The following CCNF variants were observed in gnomAD, a reference collection of about 807,000 sequenced individuals.
CCNF encodes cyclin-F.
A neutral mutation model predicts 85.4 loss-of-function variants in CCNF; 30 were observed. The ratio of observed to expected loss-of-function variants is 0.35; its 90% CI spans 0.26 to 0.48. The LOEUF (loss-of-function observed/expected upper bound fraction) is 0.48. Among genes scored for constraint, CCNF ranks in the 20% least tolerant of loss-of-function variants. The probability of loss-of-function intolerance (pLI) is 0.99; values close to 1 mark genes in which losing one functional copy is unlikely to be tolerated. For synonymous variants in CCNF, 439 were observed against 425.1 expected (o/e 1.03, Z -0.40); for missense variants, 919 against 1,010.4 (o/e 0.91, Z 1.23).
chr16:2,444,841 C>T (rs993231195), intron 9 of CCNF, among the ~76,000 whole-genome samples: 2 of 151,932 alleles, frequency 1.3e-5, no homozygotes, highest in Admixed American at 1.3e-4. Flanking sequence ...AAGCGAACCT[C>T]CTGCCCCAGC....
At chr16:2,432,793 C>G (rs2065269285) in intron 2 of CCNF, among the ~76,000 whole-genome samples, 168 bp from the exon 3 acceptor site, 1 of 152,172 alleles carries the variant, frequency 6.6e-6, no homozygotes, top group African/African-American at 2.4e-5. Flanking sequence ...GCTCTTTTAT[C>G]TGCTCAAAGT....
rs200891175 is a variant in CCNF, at chr16:2,449,452, G to A, written c.1389G>A (p.Thr463=). ...AAAALLLARL[T]HGQTQPWTTQ... is the part of the protein sequence containing the mutation. ...CAGCCCTGCTCCTGGCCAGACTGACGCACGGGCAGAGTAAGGAGTGGCCCT... is the reference window on the plus strand; with the variant it reads ...CAGCCCTGCTCCTGGCCAGACTGACACACGGGCAGAGTAAGGAGTGGCCCT... The change falls in exon 12 of 17, where the codon ACG becomes ACA. Residue 463 remains threonine, a synonymous_variant. Transcript: ENST00000397066. 3.3e-5 allele frequency: 53 copies of A among 1,604,494 alleles called. No homozygotes were observed. In the Admixed American group the frequency reaches 4.5e-4, roughly 14 times the overall value.
chr16:2,431,062 T>TC (rs764562957), intron 1 of CCNF, 68 bp from the exon 2 acceptor site: 6 of 1,488,416 alleles, frequency 4.0e-6, no homozygotes, highest in Non-Finnish European at 5.6e-6. Context: ...CCTTTTTTTT[T>TC]CCCTTCAAGG....
Position 2,431,261 on chromosome 16 carries a change from G to A in CCNF, c.148G>A (p.Glu50Lys). 6.2e-7 allele frequency: 1 copy of A among 1,614,122 alleles called. No homozygotes were observed. The highest frequency in any genetic ancestry group is 8.5e-7 in the Non-Finnish European group (1 of 1,180,034). The change falls in exon 2 of 17, where the codon GAG becomes AAG. Residue 50 changes from glutamate to lysine, a missense_variant. Around this residue, in one of 3 missense-constraint regions of CCNF, gnomAD observed 410 missense variants for 478.6 expected, o/e 0.86. Transcript: ENST00000397066. ...LFHILKWLSV[E>K]DILAVRAVHS... ...TCACATCCTGAAATGGCTTTCTGTA[G>A]AGGACATCCTGGCCGTCCGAGCTGT...
intron 10 of CCNF, among the ~76,000 whole-genome samples, chr16:2,447,278 T>TC (rs1264711135): frequency 6.7e-6 from 1 of 149,442 alleles, no homozygotes; most frequent in East Asian, 1.9e-4. Flanking sequence ...TTATTATCTT[T>TC]TTTTTTTTTT....
rs1010430447 is a variant in CCNF at position 2,443,812 on chromosome 16, A to T, written c.929+12A>T. ...AATGACACAATGAGGTGAGGCATTC[A>T]GGCCGGGGCTTCTAATCAGAGCGGC... On this transcript the variant is annotated intron_variant, in intron 9 of 16. Transcript: ENST00000397066. 3.7e-6 allele frequency: 6 copies of T among 1,613,462 alleles called. No homozygotes were observed. The highest frequency in any genetic ancestry group is 5.1e-6 in the Non-Finnish European group (6 of 1,179,476).
In CCNF at chr16:2,443,768, C is replaced by T. The variant is rs1469242278; in HGVS notation, c.897C>T (p.Phe299=). 6.2e-7 allele frequency: 1 copy of T among 1,614,054 alleles called. No homozygotes were observed. Among genetic ancestry groups the T allele is most frequent in the African/African-American group, 1.3e-5 (1 of 74,922 alleles). Residue 299 remains phenylalanine (F), a synonymous_variant, in exon 9 of 17, where the codon TTC becomes TTT. Coordinates refer to ENST00000397066, the MANE Select transcript of CCNF (RefSeq NM_001761.3). ...AGGCTGTCAGTAAACAACAAGTCTT[C>T]TCCGTGCAGAAGGGACTCAATGACA... is the stretch of plus-strand genomic sequence containing the variant. ...ASQAVSKQQV[F]SVQKGLNDTM...
intron 11 of CCNF, 88 bp from the exon 12 acceptor site, chr16:2,449,194 G>C (rs769214656): frequency 3.3e-6 from 5 of 1,527,506 alleles, no homozygotes; most frequent in African/African-American, 1.4e-5. Flanking sequence ...AACATCATCC[G>C]GGCCAGACCC....
chr16:2,448,129 G>A (rs530990344), intron 10 of CCNF, among the ~76,000 whole-genome samples: 45 of 152,310 alleles, frequency 3.0e-4, no homozygotes, highest in African/African-American at 1.0e-3. Context: ...ACACAGTGCC[G>A]GGCACAGACT....
rs1340029831 is a variant in CCNF at position 2,456,415 on chromosome 16, G to C, written c.1886-130G>C. ...CATGTCACCCACGCTTCTCACCACA[G>C]GAGGGTAACACAGGGGACCGTAGCA... On this transcript the variant is annotated intron_variant, in intron 16 of 16. Coordinates refer to ENST00000397066, the MANE Select transcript of CCNF (RefSeq NM_001761.3). This position sits in a 1 kb window ranked among gnomAD's most constrained non-coding sequence, Gnocchi z 4.5. 1.2e-5 allele frequency: 7 copies of C among 591,954 alleles called. No individual in the cohort carries two copies. The East Asian group carries it at 1.8e-4, about 15-fold the overall frequency. The allele number at this position is 591,954 out of a possible 1,614,324, so 36.7% of individuals were successfully genotyped here. A position where few individuals can be genotyped will look rare whatever the true frequency, so the allele number is the denominator to read the frequency against.
chr16:2,455,795 T>G (rs2065424155), intron 16 of CCNF, among the ~76,000 whole-genome samples: 1 of 152,098 alleles, frequency 6.6e-6, no homozygotes, highest in Non-Finnish European at 1.5e-5. Context: ...TGAGAGGACT[T>G]AGGCCACACC....
At chr16:2,439,673 C>T (rs749502766) in intron 7 of CCNF, 76 bp from the exon 8 acceptor site, 44 of 1,242,290 alleles carry the variant, frequency 3.5e-5, no homozygotes, top group Non-Finnish European at 4.0e-5. Flanking sequence ...AGCGTAGTGT[C>T]GGCCCTTCTG....
chr16:2,429,939 G>A (rs1227210568), intron 1 of CCNF, among the ~76,000 whole-genome samples: 1 of 152,198 alleles, frequency 6.6e-6, no homozygotes, highest in African/African-American at 2.4e-5. Context: ...ACCTAGCTCT[G>A]TGGAAAGCAG....
At chr16:2,454,584 G>A (rs71386673) in intron 15 of CCNF, among the ~76,000 whole-genome samples, 1 of 152,368 alleles carries the variant, frequency 6.6e-6, no homozygotes, top group East Asian at 1.9e-4. Flanking sequence ...CTGGGGTCAG[G>A]AAGTGGAAAG....
Position 2,437,903 on chromosome 16 carries a change from T to TAA in CCNF, c.541-149_541-148dup, listed in dbSNP as rs34068510. On this transcript the variant is annotated intron_variant, in intron 5 of 16. Coordinates refer to ENST00000397066, the MANE Select transcript of CCNF (RefSeq NM_001761.3). ...GACAGAGCAAGACCCTGTTTCCCTT[T>TAA]AAAAAAAAAAAAAAAAAAAGACTGA... 15,932 of 407,066 alleles carry TAA rather than the reference T, an allele frequency of 0.039. 118 individuals are homozygous for TAA. Among genetic ancestry groups the TAA allele is most frequent in the African/African-American group, 0.067 (2,677 of 39,820 alleles). 25.2% of individuals were successfully genotyped at this position (407,066 alleles called of 1,614,324 possible).
intron 6 of CCNF, among the ~76,000 whole-genome samples, 198 bp from the exon 7 acceptor site, chr16:2,439,155 G>A (rs771392264): frequency 3.3e-5 from 5 of 152,076 alleles, no homozygotes; most frequent in African/African-American, 7.2e-5. Flanking sequence ...AAAATTAGCC[G>A]GGCATGATGG....
Position 2,449,321 on chromosome 16 carries a change from C to G in CCNF, c.1258C>G (p.Leu420Val). The G allele has an allele frequency of 6.2e-7, 1 of 1,613,788 alleles. No homozygotes were observed. The highest frequency in any genetic ancestry group is 1.1e-5 in the South Asian group (1 of 91,090). ...GGATTACAAGGAGGTCCTGCTGACG[C>G]TAGTCCCTGTGGAGCTGAGAACCCA... ...VVDYKEVLLT[L>V]VPVELRTQHL... is the part of the protein sequence containing the mutation. The change falls in exon 12 of 17, where the codon CTA becomes GTA. Residue 420 changes from leucine (L) to valine (V), a missense_variant. Physicochemically the swap from Leu to Val is conservative, Grantham distance 32. Transcript: ENST00000397066.
At position 2,458,201 on chromosome 16, in the gene CCNF, TTACTC is replaced by T. The variant is rs1195075953; in HGVS notation, c.*1183_*1187del. 1 of 152,088 alleles carries T rather than the reference TTACTC, an allele frequency of 6.6e-6. No homozygotes were observed. The highest frequency in any genetic ancestry group is 1.5e-5 in the Non-Finnish European group (1 of 68,030). 9.4% of individuals were successfully genotyped at this position (152,088 alleles called of 1,614,324 possible). A position where few individuals can be genotyped will look rare whatever the true frequency, so the allele number is the denominator to read the frequency against. ...ACACCCTGCTGCCATCCACTTCTGT[TTACTC>T]TGCAAATGTAAGAAAGAACCACTTG... On this transcript the variant is annotated 3_prime_UTR_variant, in exon 17 of 17. Transcript: ENST00000397066.
intron 8 of CCNF, among the ~76,000 whole-genome samples, chr16:2,442,865 T>A (rs1297174794): frequency 4.8e-5 from 2 of 41,266 alleles, no homozygotes; most frequent in African/African-American, 3.7e-4. Context: ...TATATTATAT[T>A]ATATATATTA....
Sources: allele counts gnomAD v4.1 joint callset (sites outside exome capture counted in the v4.1 genomes callset), GRCh38; gene constraint gnomAD v4.1.1; regional missense constraint gnomAD v4.1.1; non-coding constraint Gnocchi (gnomAD v3.1); transcripts MANE v1.5; gene names NCBI Gene and HGNC (gene_info 2026-07-23, HGNC 2026-07-21).